The following HHIPL1 variants were observed in gnomAD, a reference collection of about 807,000 sequenced individuals.
HHIPL1 encodes the protein HHIP like 1, also known as HHIP-like protein 1.
HHIPL1 carries 43 observed loss-of-function variants against 61.8 expected under a neutral mutation model. The ratio of observed to expected loss-of-function variants is 0.70; its 90% CI spans 0.55 to 0.90. The LOEUF is 0.90. HHIPL1 is among the 40% of genes least tolerant of loss of function. The probability of loss-of-function intolerance (pLI) is 0.00; values close to 1 mark genes in which losing one functional copy is unlikely to be tolerated. For missense variants in HHIPL1, 1,056 were observed against 1,157.7 expected (o/e 0.91, Z 1.28); for synonymous variants, 482 against 515.8 (o/e 0.93, Z 0.89).
chr14:99,654,820 C>T (rs1399675003), intron 2 of HHIPL1, among the ~76,000 whole-genome samples: 1 of 152,174 alleles, frequency 6.6e-6, no homozygotes, highest in Non-Finnish European at 1.5e-5. Context: ...ACAGCCAGTT[C>T]TCCAAGAGAG....
the HHIPL1 span, among the ~76,000 whole-genome samples, chr14:99,623,394 T>A: frequency 6.6e-6 from 1 of 152,158 alleles, no homozygotes; most frequent in Non-Finnish European, 1.5e-5. Context: ...TGGGAAGTGG[T>A]GCAGTTGAGA....
rs774197966 is a variant in HHIPL1 at position 99,659,680 on chromosome 14, C to T, written c.1299C>T (p.Arg433=). ...TCGAGGAGGTGGACGTGGTGGAGCG[C>T]GGCGGCAACTATGGCTGGCGCGCGC... is the stretch of plus-strand genomic sequence containing the variant. ...NKFEEVDVVE[R]GGNYGWRARE... The change falls in exon 4 of 9, where the codon CGC becomes CGT. Residue 433 remains arginine, a synonymous_variant. Coordinates refer to ENST00000330710, the MANE Select transcript of HHIPL1 (RefSeq NM_001127258.3). 2.0e-5 allele frequency: 30 copies of T among 1,533,254 alleles called. No individual in the cohort carries two copies. The South Asian group carries it at 3.2e-4, about 16-fold the overall frequency. The allele number at this position is 1,533,254 out of a possible 1,614,324, so 95.0% of individuals were successfully genotyped here. A position where few individuals can be genotyped will look rare whatever the true frequency, so the allele number is the denominator to read the frequency against.
Position 99,675,519 on chromosome 14 carries a change from T to C in HHIPL1, c.2242T>C (p.Trp748Arg), listed in dbSNP as rs1245269847. The change falls in exon 9 of 9, where the codon TGG becomes CGG. Residue 748 changes from tryptophan (W) to arginine (R), a missense_variant. Physicochemically the swap from Trp to Arg is moderately radical, Grantham distance 101. Transcript: ENST00000330710. The surrounding 1 kb of genome is among the most constrained non-coding windows in gnomAD (Gnocchi z 5.4). ...ILLDDVRCAG[W>R]ERNLLECQHN... Reference sequence around the variant, plus strand: ...GCTGGACGATGTGCGCTGCGCGGGCTGGGAGCGGAACCTGCTGGAGTGCCA... The same window carrying C: ...GCTGGACGATGTGCGCTGCGCGGGCCGGGAGCGGAACCTGCTGGAGTGCCA... The C allele has an allele frequency of 3.2e-6, 5 of 1,542,496 alleles. No individual in the cohort carries two copies. Among genetic ancestry groups the C allele is most frequent in the Non-Finnish European group, 4.4e-6 (5 of 1,146,502 alleles).
In HHIPL1 at chr14:99,672,478, C is replaced by T. The variant is rs191582456; in HGVS notation, c.1813+79C>T. The T allele has an allele frequency of 5.9e-4, 715 of 1,219,676 alleles. 1 individual carries two copies. The highest frequency in any genetic ancestry group is 7.9e-4 in the Non-Finnish European group (667 of 846,366). 75.6% of individuals were successfully genotyped at this position (1,219,676 alleles called of 1,614,324 possible). A position where few individuals can be genotyped will look rare whatever the true frequency, so the allele number is the denominator to read the frequency against. ...CAACGGCTGCCTTTCCAGCCAGACT[C>T]GGGTCTTACCAGCTGGACCTAGATG... On this transcript the variant is annotated intron_variant, in intron 8 of 8. Transcript: ENST00000330710.
rs1405279542 is a variant in HHIPL1 at position 99,675,083 on chromosome 14, C to T, written c.1814-8C>T. 2.6e-6 allele frequency: 3 copies of T among 1,155,424 alleles called. No individual in the cohort carries two copies. Among genetic ancestry groups the T allele is most frequent in the African/African-American group, 1.7e-5 (1 of 59,980 alleles). 71.6% of individuals were successfully genotyped at this position (1,155,424 alleles called of 1,614,324 possible). Reference sequence around the variant, plus strand: ...GTCCCTCTGACGGCATACTCTTCCTCTGCGCAGAGTTCATCCCGAAGACAC... The same window carrying T: ...GTCCCTCTGACGGCATACTCTTCCTTTGCGCAGAGTTCATCCCGAAGACAC... On this transcript the variant is annotated splice_polypyrimidine_tract_variant and splice_region_variant and intron_variant, in intron 8 of 8. Transcript: ENST00000330710. This position sits in a 1 kb window ranked among gnomAD's most constrained non-coding sequence, Gnocchi z 5.4.
the HHIPL1 span, among the ~76,000 whole-genome samples, chr14:99,626,732 C>T: frequency 6.6e-6 from 1 of 152,236 alleles, no homozygotes; most frequent in Admixed American, 6.5e-5. Context: ...GTGTGCCCTG[C>T]ATACTCTATG....
In HHIPL1 at chr14:99,672,309, G is replaced by A. The variant is rs755421085; in HGVS notation, c.1731-8G>A. ...TGAGACTCATAACCTCCTGTGTGTC[G>A]TTGGCAGGCGGGCACCACCTGGCAA... On this transcript the variant is annotated splice_region_variant and splice_polypyrimidine_tract_variant and intron_variant, in intron 7 of 8. Coordinates refer to ENST00000330710, the MANE Select transcript of HHIPL1 (RefSeq NM_001127258.3). 85 of 1,550,826 alleles carry A rather than the reference G, an allele frequency of 5.5e-5. No individual in the cohort carries two copies. Among genetic ancestry groups the A allele is most frequent in the Middle Eastern group, 3.3e-4 (2 of 6,014 alleles).
the HHIPL1 span, among the ~76,000 whole-genome samples, chr14:99,631,090 TTCTTTCTTTCTTTCTTTCTCTC>T: frequency 7.0e-6 from 1 of 143,780 alleles, no homozygotes; most frequent in Admixed American, 6.9e-5. Context: ...CTTTCTTTCT[TTCTTTCTTTCTTTCTTTCTCTC>T]TCTTTCTTTC....
At chr14:99,672,215 G>A in intron 7 of HHIPL1, 102 bp from the exon 8 acceptor site, 1 of 845,984 alleles carries the variant, frequency 1.2e-6, no homozygotes, top group Non-Finnish European at 2.0e-6. Flanking sequence ...ATGGCCGCCT[G>A]TTACTATCGT....
upstream of HHIPL1, among the ~76,000 whole-genome samples, chr14:99,644,442 G>A (rs1391665428): frequency 1.4e-5 from 2 of 144,874 alleles, no homozygotes; most frequent in South Asian, 2.2e-4. Flanking sequence ...GTAAGACAGC[G>A]TGTGTGCGTC....
In HHIPL1 at chr14:99,675,472, A is replaced by C; in HGVS notation, c.2195A>C (p.Gln732Pro). ...VRAVKRAEFG[Q>P]GGSLPILLDD... ...GCCGTCAAGAGAGCCGAGTTCGGCC[A>C]GGGCGGCTCGCTGCCCATTCTGCTG... is the stretch of plus-strand genomic sequence containing the variant. Residue 732 changes from glutamine to proline, a missense_variant, in exon 9 of 9, where the codon CAG becomes CCG. Coordinates refer to ENST00000330710, the MANE Select transcript of HHIPL1 (RefSeq NM_001127258.3). This position sits in a 1 kb window ranked among gnomAD's most constrained non-coding sequence, Gnocchi z 5.4. 1 of 1,541,318 alleles carries C rather than the reference A, an allele frequency of 6.5e-7. No individual in the cohort carries two copies. Among genetic ancestry groups the C allele is most frequent in the Non-Finnish European group, 8.7e-7 (1 of 1,146,276 alleles).
chr14:99,637,297 C>T, the HHIPL1 span, among the ~76,000 whole-genome samples: 1 of 152,030 alleles, frequency 6.6e-6, no homozygotes, highest in Admixed American at 6.5e-5. Flanking sequence ...TGCAGTGGCT[C>T]ATGCCTGTAA....
At position 99,675,585 on chromosome 14, in the gene HHIPL1, G is replaced by A; in HGVS notation, c.2308G>A (p.Asp770Asn). 1 of 1,533,288 alleles carries A rather than the reference G, an allele frequency of 6.5e-7. No homozygotes were observed. The highest frequency in any genetic ancestry group is 8.7e-7 in the Non-Finnish European group (1 of 1,143,578). 95.0% of individuals were successfully genotyped at this position (1,533,288 alleles called of 1,614,324 possible). ...VGTHNCEHDE[D>N]AGVVCSHQNP... ...CACCCACAACTGCGAGCACGACGAG[G>A]ATGCGGGCGTCGTGTGCAGCCACCA... Residue 770 changes from aspartate (D) to asparagine (N), a missense_variant, in exon 9 of 9, where the codon GAT becomes AAT. Transcript: ENST00000330710. The surrounding 1 kb of genome is among the most constrained non-coding windows in gnomAD (Gnocchi z 5.4).
the HHIPL1 span, among the ~76,000 whole-genome samples, chr14:99,629,755 A>C: frequency 1.3e-5 from 2 of 152,152 alleles, no homozygotes; most frequent in Non-Finnish European, 2.9e-5. Context: ...TGCCCGCCTC[A>C]GCCTCCCGAA....
At chr14:99,607,155 C>A in the HHIPL1 span, among the ~76,000 whole-genome samples, 17 of 150,432 alleles carry the variant, frequency 1.1e-4, no homozygotes, top group Admixed American at 9.3e-4. Flanking sequence ...ACCTCAGCCT[C>A]CTGAGTAGCT....
At chr14:99,655,019 A>G (rs1425792864) in intron 2 of HHIPL1, among the ~76,000 whole-genome samples, 1 of 152,176 alleles carries the variant, frequency 6.6e-6, no homozygotes, top group Non-Finnish European at 1.5e-5. Context: ...CAAGCCTAGA[A>G]CTTGACTCAC....
chr14:99,623,035 G>T, the HHIPL1 span, among the ~76,000 whole-genome samples: 1 of 152,252 alleles, frequency 6.6e-6, no homozygotes, highest in African/African-American at 2.4e-5. Flanking sequence ...TCTGACTGGG[G>T]AGCTGGGAAG....
intron 1 of HHIPL1, among the ~76,000 whole-genome samples, chr14:99,650,013 C>A (rs1349980924): frequency 6.6e-6 from 1 of 152,206 alleles, no homozygotes; most frequent in Non-Finnish European, 1.5e-5. Context: ...AGACATGGCA[C>A]CCTGGTCTGT....
the HHIPL1 span, among the ~76,000 whole-genome samples, chr14:99,617,505 C>T: frequency 2.6e-5 from 4 of 152,178 alleles, no homozygotes; most frequent in Admixed American, 2.6e-4. Flanking sequence ...AATGTGGAAA[C>T]TGGTTGCTCT....
Sources: gnomAD v4.1 joint callset for allele counts (sites outside exome capture counted in the v4.1 genomes callset) on GRCh38, gnomAD v4.1.1 for gene constraint, Gnocchi (gnomAD v3.1) non-coding constraint, MANE v1.5 for transcripts, NCBI Gene and HGNC (gene_info 2026-07-23, HGNC 2026-07-21) for gene names.